Variants in CSRP2 observed in about 807,000 individuals in gnomAD.
CSRP2 encodes cysteine and glycine rich protein 2, also known as cysteine and glycine-rich protein 2.
A neutral mutation model predicts 24.6 loss-of-function variants in CSRP2; 18 were observed. That is an observed-to-expected ratio of 0.73 (90% CI 0.51 to 1.09). The LOEUF (loss-of-function observed/expected upper bound fraction) is 1.09. CSRP2 is among the 50% of genes least tolerant of loss of function. CSRP2 has a pLI of 0.00. For missense variants in CSRP2, 215 were observed against 239.4 expected, an observed-to-expected ratio of 0.90 and a Z score of 0.67; for synonymous variants, 87 against 84.3, an observed-to-expected ratio of 1.03 and a Z score of -0.18.
At chr12:76,875,885 C>T (rs578217078) in intron 1 of CSRP2, among the ~76,000 whole-genome samples, 9 of 152,266 alleles carry the variant, frequency 5.9e-5, no homozygotes, top group Middle Eastern at 6.8e-3. Flanking sequence ...GAAACTGAGG[C>T]ATAGAGCTAT....
At chr12:76,860,567 A>C in intron 3 of CSRP2, 154 bp from the exon 4 acceptor site, 1 of 822,446 alleles carries the variant, frequency 1.2e-6, no homozygotes, top group Non-Finnish European at 1.8e-6. Flanking sequence ...AATAAAGAAG[A>C]AGTGACTCAG....
intron 1 of CSRP2, among the ~76,000 whole-genome samples, chr12:76,871,784 AGAAAC>A (rs1953803205): frequency 6.6e-6 from 1 of 151,566 alleles, no homozygotes; most frequent in East Asian, 1.9e-4. Context: ...AAAAAAGAAA[AGAAAC>A]GAAGTTCAAA....
chr12:76,866,436 A>G (rs903244567), intron 1 of CSRP2, among the ~76,000 whole-genome samples, 175 bp from the exon 2 acceptor site: 1 of 150,820 alleles, frequency 6.6e-6, no homozygotes, highest in Non-Finnish European at 1.5e-5. Context: ...CCAAATAACA[A>G]CTCTTTCATT....
At chr12:76,871,335 C>T (rs1953794291) in intron 1 of CSRP2, among the ~76,000 whole-genome samples, 1 of 152,212 alleles carries the variant, frequency 6.6e-6, no homozygotes, top group Non-Finnish European at 1.5e-5. Flanking sequence ...CACCAACCAG[C>T]ACCTAGAACA....
At chr12:76,870,436 G>A (rs1460679199) in intron 1 of CSRP2, among the ~76,000 whole-genome samples, 1 of 152,154 alleles carries the variant, frequency 6.6e-6, no homozygotes, top group Non-Finnish European at 1.5e-5. Context: ...CCAGCCAAAC[G>A]TAAATGTGTC....
intron 1 of CSRP2, among the ~76,000 whole-genome samples, chr12:76,872,823 C>T (rs1261539239): frequency 6.6e-6 from 1 of 152,158 alleles, no homozygotes; most frequent in Non-Finnish European, 1.5e-5. Context: ...TCCCTTCCTT[C>T]TTGCTCATTA....
intron 1 of CSRP2, among the ~76,000 whole-genome samples, chr12:76,873,377 G>A (rs540635397): frequency 1.3e-5 from 2 of 152,318 alleles, no homozygotes; most frequent in East Asian, 3.9e-4. Context: ...TTCAGTTGAT[G>A]CCTGTTCTAC....
chr12:76,860,507 G>A (rs1301776555), intron 3 of CSRP2, 94 bp from the exon 4 acceptor site: 32 of 1,426,426 alleles, frequency 2.2e-5, no homozygotes, highest in East Asian at 4.6e-5. Context: ...GGACTTAACC[G>A]CTACACTGCC....
At chr12:76,862,254 T>G (rs1236730257) in intron 3 of CSRP2, 1 of 152,172 alleles carries the variant, frequency 6.6e-6, no homozygotes, top group African/African-American at 2.4e-5. Context: ...AGGAGGAAAT[T>G]CCAGGTTGGG....
Position 76,870,786 on chromosome 12 carries a change from G to A in CSRP2, c.-1-4525C>T, listed in dbSNP as rs140734729. On this transcript the variant is annotated intron_variant, in intron 1 of 5. Transcript: ENST00000311083. ...TTTGGAATTTGGAATTTAGGGAGAC[G>A]CTATATTACCTATATTTAAAACAAA... 5.2e-3 allele frequency among the ~76,000 whole-genome samples: 795 copies of A among 151,430 alleles called. 9 individuals carry two copies. The highest frequency in any genetic ancestry group is 0.018 in the African/African-American group (750 of 41,228).
chr12:76,861,439 T>A (rs964277618), intron 3 of CSRP2: 1 of 151,566 alleles, frequency 6.6e-6, no homozygotes, highest in Admixed American at 6.6e-5. Flanking sequence ...AGTCACTGAC[T>A]TACTTTTGGG....
intron 1 of CSRP2, among the ~76,000 whole-genome samples, chr12:76,872,104 G>A (rs1953805907): frequency 6.6e-6 from 1 of 152,154 alleles, no homozygotes; most frequent in African/African-American, 2.4e-5. Context: ...GGCAAATTCT[G>A]TTTCTCAGTC....
intron 1 of CSRP2, 40 bp from the exon 2 acceptor site, chr12:76,866,301 G>T (rs759915566): frequency 6.6e-7 from 1 of 1,524,424 alleles, no homozygotes; most frequent in Non-Finnish European, 9.1e-7. Flanking sequence ...CCCTGTGCTG[G>T]TCGTACGGCT....
intron 1 of CSRP2, among the ~76,000 whole-genome samples, chr12:76,869,333 G>C (rs1249307948): frequency 6.6e-6 from 1 of 152,072 alleles, no homozygotes; most frequent in Non-Finnish European, 1.5e-5. Context: ...GTTGCATTGG[G>C]AATTAAGTTT....
chr12:76,866,985 G>A (rs4604937), intron 1 of CSRP2, among the ~76,000 whole-genome samples: 92,828 of 151,890 alleles, frequency 0.61, 28,446 homozygotes, highest in East Asian at 0.67. Context: ...TTCCTCTTTG[G>A]CAAGTCAGTC....
rs148614003 is a variant in CSRP2, at chr12:76,875,886, A to T, written c.-2+3052T>A. Among the ~76,000 whole-genome samples, 408 of 152,376 alleles carry T rather than the reference A, an allele frequency of 2.7e-3. 3 individuals are homozygous for T. The highest frequency in any genetic ancestry group is 9.3e-3 in the African/African-American group (385 of 41,586). ...ATTTTATGAGTGGGGAAACTGAGGC[A>T]TAGAGCTATTAAATGACTCATAACT... On this transcript the variant is annotated intron_variant, in intron 1 of 5. Coordinates refer to ENST00000311083, the MANE Select transcript of CSRP2 (RefSeq NM_001321.3).
At chr12:76,874,023 G>A (rs1953827820) in intron 1 of CSRP2, among the ~76,000 whole-genome samples, 1 of 152,304 alleles carries the variant, frequency 6.6e-6, no homozygotes, top group East Asian at 1.9e-4. Context: ...GGAAAGGCCC[G>A]TTTTGCACAG....
At chr12:76,877,578 G>C (rs1354146911) in intron 1 of CSRP2, among the ~76,000 whole-genome samples, 1 of 152,166 alleles carries the variant, frequency 6.6e-6, no homozygotes, top group Admixed American at 6.5e-5. Context: ...TGCAGGTCTG[G>C]TCTCAAAGGT....
At chr12:76,873,979 C>G (rs903518417) in intron 1 of CSRP2, among the ~76,000 whole-genome samples, 2 of 152,162 alleles carry the variant, frequency 1.3e-5, no homozygotes, top group Non-Finnish European at 2.9e-5. Context: ...AAGCCAGGTA[C>G]TGGGTTAGGG....
Sources: allele counts gnomAD v4.1 joint callset (sites outside exome capture counted in the v4.1 genomes callset), GRCh38; gene constraint gnomAD v4.1.1; transcripts MANE v1.5; gene names NCBI Gene and HGNC (gene_info 2026-07-23, HGNC 2026-07-21).